Variants in ANKUB1 observed in about 807,000 individuals in gnomAD.
ANKUB1 encodes the protein ankyrin repeat and ubiquitin domain containing 1, also known as protein ANKUB1.
In ANKUB1, 42 loss-of-function variants were observed where a neutral mutation model predicts 49.3. The observed-to-expected ratio is 0.85, with a 90% CI of 0.67 to 1.10. The LOEUF (loss-of-function observed/expected upper bound fraction) is 1.10, where lower values mean the gene tolerates loss of function less well. Ranked by LOEUF, ANKUB1 falls within the 50% of genes least tolerant of loss-of-function variation. The pLI is 0.00. For synonymous variants in ANKUB1, 222 were observed against 231.0 expected, an observed-to-expected ratio of 0.96 and a Z score of 0.35; for missense variants, 613 against 642.0, an observed-to-expected ratio of 0.95 and a Z score of 0.49.
intron 3 of ANKUB1, among the ~76,000 whole-genome samples, chr3:149,774,583 A>G (rs1406517291): frequency 6.6e-6 from 1 of 152,200 alleles, no homozygotes; most frequent in Admixed American, 6.5e-5. Flanking sequence ...TGAAAACTAC[A>G]GAGAGGACCG....
At chr3:149,762,711 C>T (rs1040431398) in intron 5 of ANKUB1, among the ~76,000 whole-genome samples, 1 of 152,176 alleles carries the variant, frequency 6.6e-6, no homozygotes, top group African/African-American at 2.4e-5. Context: ...TGAAAAAGAA[C>T]TTCTATGAGC....
At chr3:149,784,259 A>C (rs547382806) in intron 2 of ANKUB1, among the ~76,000 whole-genome samples, 2 of 152,214 alleles carry the variant, frequency 1.3e-5, no homozygotes, top group Non-Finnish European at 2.9e-5. Context: ...AGAAGGAGGC[A>C]GGGAAACCAG....
intron 2 of ANKUB1, among the ~76,000 whole-genome samples, chr3:149,787,661 C>T (rs967700808): frequency 6.6e-6 from 1 of 152,150 alleles, no homozygotes; most frequent in Admixed American, 6.5e-5. Context: ...TTGTATTACC[C>T]TTATTTCCAT....
chr3:149,790,294 A>G (rs1054141171), intron 2 of ANKUB1, among the ~76,000 whole-genome samples: 1 of 152,198 alleles, frequency 6.6e-6, no homozygotes, highest in Non-Finnish European at 1.5e-5. Flanking sequence ...CCCTCTATAA[A>G]TGAAAAAATA....
chr3:149,780,636 G>C (rs1717820472), intron 2 of ANKUB1, among the ~76,000 whole-genome samples, 181 bp from the exon 3 acceptor site: 1 of 152,176 alleles, frequency 6.6e-6, no homozygotes, highest in South Asian at 2.1e-4. Context: ...GATATTAACA[G>C]GTCCCCCTGT....
At chr3:149,779,778 GATATT>G (rs1335127634) in intron 3 of ANKUB1, 1 of 164,312 alleles carries the variant, frequency 6.1e-6, no homozygotes, top group Non-Finnish European at 1.3e-5. Flanking sequence ...CCACCCTGAG[GATATT>G]AATGAATCTG....
intron 3 of ANKUB1, among the ~76,000 whole-genome samples, chr3:149,771,621 A>T (rs1717365425): frequency 6.6e-6 from 1 of 152,178 alleles, no homozygotes; most frequent in Admixed American, 6.5e-5. Context: ...CCCTGTCATC[A>T]GTATTTGAAA....
chr3:149,774,769 G>A (rs560871903), intron 3 of ANKUB1, among the ~76,000 whole-genome samples: 2 of 152,200 alleles, frequency 1.3e-5, no homozygotes, highest in Non-Finnish European at 2.9e-5. Context: ...GAATTTCTAA[G>A]CAAGTCAGCC....
intron 4 of ANKUB1, among the ~76,000 whole-genome samples, chr3:149,769,876 C>G (rs1483656042): frequency 6.6e-6 from 1 of 152,094 alleles, no homozygotes; most frequent in Non-Finnish European, 1.5e-5. Flanking sequence ...TAAACCAAAT[C>G]GAAGTCACCC....
intron 2 of ANKUB1, among the ~76,000 whole-genome samples, chr3:149,785,073 C>G (rs1718034916): frequency 6.6e-6 from 1 of 152,108 alleles, no homozygotes; most frequent in African/African-American, 2.4e-5. Flanking sequence ...AAAACATACA[C>G]TTTTGCAGTG....
chr3:149,767,992 C>G lies in ANKUB1; in HGVS notation c.670G>C (p.Val224Leu). 6.6e-7 allele frequency: 1 copy of G among 1,521,604 alleles called. No individual in the cohort carries two copies. The highest frequency in any genetic ancestry group is 1.2e-5 in the South Asian group (1 of 80,120). 94.3% of individuals were successfully genotyped at this position (1,521,604 alleles called of 1,614,324 possible). A position where few individuals can be genotyped will look rare whatever the true frequency, so the allele number is the denominator to read the frequency against. The change falls in exon 5 of 6, where the codon GTT becomes CTT. Residue 224 changes from valine to leucine, a missense_variant. By Grantham distance (32) the Val-to-Leu change is conservative. Transcript: ENST00000446160. Reference protein sequence around the residue: ...QGARPHEAVGVHPYRAWCHEA... With the variant: ...QGARPHEAVGLHPYRAWCHEA... ...TGGCACCATGCTCGATAGGGGTGAA[C>G]ACCGACTGCCTCGTGGGGCCGCGCA...
At chr3:149,787,416 T>C (rs544896631) in intron 2 of ANKUB1, among the ~76,000 whole-genome samples, 4 of 152,352 alleles carry the variant, frequency 2.6e-5, no homozygotes, top group African/African-American at 9.6e-5. Flanking sequence ...TGCACATTGA[T>C]TTTGTATCCT....
intron 2 of ANKUB1, among the ~76,000 whole-genome samples, chr3:149,789,939 C>G (rs1460547612): frequency 6.6e-6 from 1 of 152,096 alleles, no homozygotes; most frequent in African/African-American, 2.4e-5. Flanking sequence ...TAGTCAAGTA[C>G]TAACATATAT....
At chr3:149,785,393 A>G (rs1193200060) in intron 2 of ANKUB1, among the ~76,000 whole-genome samples, 1 of 151,974 alleles carries the variant, frequency 6.6e-6, no homozygotes, top group African/African-American at 2.4e-5. Context: ...TATATCTCCT[A>G]ATGCTGTCCT....
chr3:149,769,871 CA>C (rs1247272804), intron 4 of ANKUB1, among the ~76,000 whole-genome samples: 1 of 151,966 alleles, frequency 6.6e-6, no homozygotes, highest in African/African-American at 2.4e-5. Flanking sequence ...ATATCTAAAC[CA>C]AATCGAAGTC....
chr3:149,788,749 G>A (rs1191167409), intron 2 of ANKUB1, among the ~76,000 whole-genome samples: 1 of 151,932 alleles, frequency 6.6e-6, no homozygotes, highest in East Asian at 1.9e-4. Flanking sequence ...GGGGGCCAGA[G>A]AAGGGAGAGT....
chr3:149,790,193 C>T (rs1311187038), intron 2 of ANKUB1, among the ~76,000 whole-genome samples: 7 of 152,194 alleles, frequency 4.6e-5, no homozygotes, highest in Non-Finnish European at 8.8e-5. Flanking sequence ...AGAAAATCTC[C>T]AGGCACATTA....
In ANKUB1 at chr3:149,784,962, C is replaced by T. The variant is rs144597314; in HGVS notation, c.235-4507G>A. On this transcript the variant is annotated intron_variant, in intron 2 of 5. Transcript: ENST00000446160. Reference sequence around the variant, plus strand: ...ATATCTTATCTAGTACTATTCTAAGCACTGGGTGAAAACAGTGGACAAAAC... The same window carrying T: ...ATATCTTATCTAGTACTATTCTAAGTACTGGGTGAAAACAGTGGACAAAAC... Among the ~76,000 whole-genome samples the T allele has an allele frequency of 3.8e-3, 578 of 152,240 alleles. 10 individuals are homozygous for T. The highest frequency in any genetic ancestry group is 1.2e-3 in the Non-Finnish European group (85 of 68,018).
chr3:149,775,183 C>A lies in ANKUB1; in HGVS notation c.452-4509G>T, dbSNP rs112269233. Among the ~76,000 whole-genome samples the A allele has an allele frequency of 1.3e-5, 2 of 152,146 alleles. 1 individual carries two copies. Among genetic ancestry groups the A allele is most frequent in the South Asian group, 4.1e-4 (2 of 4,824 alleles). ...ATCTTCAACCTTGCCACATGTGGCC[C>A]CTGACTCCCAAGTTTCTGGATTCCT... On this transcript the variant is annotated intron_variant, in intron 3 of 5. Coordinates refer to ENST00000446160, the MANE Select transcript of ANKUB1 (RefSeq NM_001144960.3).
Sources: gnomAD v4.1 joint callset for allele counts (sites outside exome capture counted in the v4.1 genomes callset) on GRCh38, gnomAD v4.1.1 for gene constraint, MANE v1.5 for transcripts, NCBI Gene and HGNC (gene_info 2026-07-23, HGNC 2026-07-21) for gene names.